Variants in FSD1L observed in about 807,000 individuals in gnomAD.
The protein encoded by FSD1L is FSD1-like protein.
Under a neutral mutation model 71.6 loss-of-function variants are expected in FSD1L, and 45 were observed. The observed-to-expected ratio is 0.63, with a 90% confidence interval of 0.49 to 0.81. The LOEUF (loss-of-function observed/expected upper bound fraction) is 0.81. Among genes scored for constraint, FSD1L ranks in the 30% least tolerant of loss-of-function variants. The pLI is 0.00. For synonymous variants in FSD1L, 197 were observed against 207.2 expected (o/e 0.95, Z 0.42); for missense variants, 561 against 618.1 (o/e 0.91, Z 0.98).
At chr9:105,451,843 T>C (rs905082442) in intron 1 of FSD1L, among the ~76,000 whole-genome samples, 1 of 152,226 alleles carries the variant, frequency 6.6e-6, no homozygotes, top group African/African-American at 2.4e-5. Context: ...TGGAATTTTA[T>C]AGTTTAACTT....
intron 6 of FSD1L, among the ~76,000 whole-genome samples, chr9:105,481,058 G>A (rs926908240): frequency 6.6e-6 from 1 of 150,426 alleles, no homozygotes; most frequent in African/African-American, 2.5e-5. Context: ...TGAAGCTTGG[G>A]TTTTTTGCGT....
In FSD1L at chr9:105,448,046, C is replaced by A; in HGVS notation, c.-175C>A. 2 of 694,678 alleles carry A rather than the reference C, an allele frequency of 2.9e-6. No individual in the cohort carries two copies. Among genetic ancestry groups the A allele is most frequent in the South Asian group, 1.7e-5 (1 of 59,874 alleles). 43.0% of individuals were successfully genotyped at this position (694,678 alleles called of 1,614,324 possible). A position where few individuals can be genotyped will look rare whatever the true frequency, so the allele number is the denominator to read the frequency against. On this transcript the variant is annotated 5_prime_UTR_variant, in exon 1 of 14. Coordinates refer to ENST00000481272, the MANE Select transcript of FSD1L (RefSeq NM_001145313.3). ...TCTGCGGGCCGCCCTTTCACCCTGG[C>A]AACCGCGGCGTGACTACGGCGCGCG... is the stretch of plus-strand genomic sequence containing the variant.
At chr9:105,537,727 C>A (rs533738336) in intron 12 of FSD1L, among the ~76,000 whole-genome samples, 1 of 151,964 alleles carries the variant, frequency 6.6e-6, no homozygotes, top group Non-Finnish European at 1.5e-5. Flanking sequence ...TGGAAGAGAT[C>A]GAAAGCATAG....
chr9:105,452,665 G>GCCTTCCTT (rs1314711604), intron 1 of FSD1L, among the ~76,000 whole-genome samples: 3,630 of 84,770 alleles, frequency 0.043, 80 homozygotes, highest in Middle Eastern at 0.074. Flanking sequence ...CTGCCTGCCT[G>GCCTTCCTT]CCTGCCTTCC....
intron 6 of FSD1L, among the ~76,000 whole-genome samples, chr9:105,480,466 A>G (rs1173250221): frequency 6.6e-6 from 1 of 151,898 alleles, no homozygotes; most frequent in Non-Finnish European, 1.5e-5. Context: ...TAATTTTTGT[A>G]TTTTTTGTAG....
chr9:105,475,315 A>C (rs1249906590), intron 5 of FSD1L, among the ~76,000 whole-genome samples: 1 of 152,188 alleles, frequency 6.6e-6, no homozygotes, highest in Non-Finnish European at 1.5e-5. Context: ...GTTGGGTGAA[A>C]GGGGAACAGT....
chr9:105,529,623 G>T (rs759099967), intron 10 of FSD1L, among the ~76,000 whole-genome samples: 13 of 152,074 alleles, frequency 8.5e-5, no homozygotes, highest in Non-Finnish European at 1.9e-4. Context: ...GCCTGTCGGG[G>T]TGGGGGTCTA....
intron 5 of FSD1L, among the ~76,000 whole-genome samples, chr9:105,474,938 T>A (rs890151858): frequency 3.3e-5 from 5 of 152,228 alleles, no homozygotes; most frequent in African/African-American, 1.2e-4. Context: ...CACTAATTTT[T>A]TTTAACTGCT....
intron 1 of FSD1L, among the ~76,000 whole-genome samples, chr9:105,454,043 A>G (rs901802433): frequency 2.0e-5 from 3 of 152,188 alleles, no homozygotes; most frequent in Admixed American, 6.5e-5. Context: ...TTGCATTTCT[A>G]TTGCATTATA....
At chr9:105,457,153 T>G (rs1830409668) in intron 1 of FSD1L, among the ~76,000 whole-genome samples, 1 of 152,220 alleles carries the variant, frequency 6.6e-6, no homozygotes. Context: ...GTTTTATCAG[T>G]ACATTGTGTA....
intron 9 of FSD1L, among the ~76,000 whole-genome samples, chr9:105,509,852 G>C (rs1447524466): frequency 6.6e-6 from 1 of 152,172 alleles, no homozygotes; most frequent in Non-Finnish European, 1.5e-5. Context: ...TGTGGTTTCT[G>C]TAGAGGTTTT....
intron 7 of FSD1L, among the ~76,000 whole-genome samples, chr9:105,489,346 A>G (rs1385683939): frequency 6.6e-6 from 1 of 152,162 alleles, no homozygotes; most frequent in African/African-American, 2.4e-5. Flanking sequence ...AGGTCTTTGT[A>G]TGTAGAGTTA....
chr9:105,502,860 G>A lies in FSD1L; in HGVS notation c.587-3539G>A, dbSNP rs558765802. On this transcript the variant is annotated intron_variant, in intron 7 of 13. Coordinates refer to ENST00000481272, the MANE Select transcript of FSD1L (RefSeq NM_001145313.3). ...AGAAACCTTTTTCTGGAGGAGTTTC[G>A]TCCAGAAGGAAAACTGTAATAAGAT... Among the ~76,000 whole-genome samples the A allele has an allele frequency of 3.0e-4, 45 of 148,702 alleles. No homozygotes were observed. The South Asian group carries it at 9.3e-3, about 31-fold the overall frequency.
chr9:105,450,157 A>G (rs1397930449), intron 1 of FSD1L, among the ~76,000 whole-genome samples: 1 of 152,222 alleles, frequency 6.6e-6, no homozygotes, highest in Non-Finnish European at 1.5e-5. Flanking sequence ...CAAGCCTCAA[A>G]TAGTAATGAT....
intron 6 of FSD1L, among the ~76,000 whole-genome samples, chr9:105,482,702 A>C (rs1407978220): frequency 6.6e-6 from 1 of 152,188 alleles, no homozygotes; most frequent in East Asian, 1.9e-4. Context: ...TTAAGTTTTC[A>C]TTGACTAAAA....
At chr9:105,516,298 T>C (rs1265459150) in intron 10 of FSD1L, among the ~76,000 whole-genome samples, 1 of 152,206 alleles carries the variant, frequency 6.6e-6, no homozygotes, top group East Asian at 1.9e-4. Flanking sequence ...CTGACAGCTC[T>C]GAAGAAAGCA....
intron 10 of FSD1L, chr9:105,524,730 G>A: frequency 1.2e-6 from 2 of 1,613,682 alleles, no homozygotes; most frequent in Non-Finnish European, 1.7e-6. Flanking sequence ...AGTAACAGAA[G>A]TGAAAACTCA....
At chr9:105,496,107 T>C (rs1422638377) in intron 7 of FSD1L, among the ~76,000 whole-genome samples, 1 of 152,150 alleles carries the variant, frequency 6.6e-6, no homozygotes, top group Non-Finnish European at 1.5e-5. Flanking sequence ...TAATAATGTT[T>C]AGCCTATCTT....
intron 7 of FSD1L, among the ~76,000 whole-genome samples, chr9:105,498,078 C>T (rs1833528895): frequency 6.6e-6 from 1 of 151,970 alleles, no homozygotes; most frequent in Non-Finnish European, 1.5e-5. Flanking sequence ...CCCCTGGCCT[C>T]AAGTGATCTT....
Sources: gnomAD v4.1 joint callset for allele counts (sites outside exome capture counted in the v4.1 genomes callset) on GRCh38, gnomAD v4.1.1 for gene constraint, MANE v1.5 for transcripts, NCBI Gene and HGNC (gene_info 2026-07-23, HGNC 2026-07-21) for gene names.